The following MRPL3 variants were observed in gnomAD, a reference collection of about 807,000 sequenced individuals.
MRPL3 encodes large ribosomal subunit protein uL3m.
A neutral mutation model predicts 44.3 loss-of-function variants in MRPL3; 43 were observed. The ratio of observed to expected loss-of-function variants is 0.97; its 90% CI spans 0.76 to 1.25. The LOEUF is 1.25. Among genes scored for constraint, MRPL3 ranks in the 50% most tolerant of loss-of-function variants. The pLI is 0.00. For missense variants in MRPL3, 406 were observed against 427.6 expected, an observed-to-expected ratio of 0.95 and a Z score of 0.45; for synonymous variants, 171 against 152.3, an observed-to-expected ratio of 1.12 and a Z score of -0.91.
intron 6 of MRPL3, among the ~76,000 whole-genome samples, chr3:131,483,140 G>T (rs898073578): frequency 7.9e-5 from 12 of 151,890 alleles, no homozygotes; most frequent in African/African-American, 2.4e-4. Context: ...TCAAAATCGA[G>T]ACTGAAAGAA....
At chr3:131,474,527 T>G (rs1488931335) in intron 6 of MRPL3, among the ~76,000 whole-genome samples, 1 of 152,034 alleles carries the variant, frequency 6.6e-6, no homozygotes, top group Non-Finnish European at 1.5e-5. Context: ...ACAAAACAGC[T>G]AGGAATGGTT....
rs796483882 is a variant in MRPL3, at chr3:131,462,578, AATGAT to A, written c.*140_*144del. ...TCTAACAAAATTTAATGGGGGTATG[AATGAT>A]ATATTTATGCCCTTGACAAAGATGA... On this transcript the variant is annotated 3_prime_UTR_variant, in exon 10 of 10. Transcript: ENST00000264995. 7 of 645,804 alleles carry A rather than the reference AATGAT, an allele frequency of 1.1e-5. No homozygotes were observed. The African/African-American group carries it at 1.1e-4, about 10-fold the overall frequency. The allele number at this position is 645,804 out of a possible 1,614,324, so 40.0% of individuals were successfully genotyped here. A position where few individuals can be genotyped will look rare whatever the true frequency, so the allele number is the denominator to read the frequency against.
intron 6 of MRPL3, among the ~76,000 whole-genome samples, chr3:131,474,385 G>A (rs1420696555): frequency 6.6e-6 from 1 of 152,170 alleles, no homozygotes; most frequent in Non-Finnish European, 1.5e-5. Flanking sequence ...ATTACCCAGA[G>A]ACTGGGGAGA....
At chr3:131,479,113 G>T (rs750142769) in intron 6 of MRPL3, 1 of 517,008 alleles carries the variant, frequency 1.9e-6, no homozygotes, top group South Asian at 1.4e-5. Flanking sequence ...TTAGAGTCCT[G>T]CAATTTATCC....
chr3:131,490,389 T>C (rs1934230778), intron 4 of MRPL3, among the ~76,000 whole-genome samples: 1 of 152,126 alleles, frequency 6.6e-6, no homozygotes, highest in South Asian at 2.1e-4. Flanking sequence ...AAATTCTGAC[T>C]GGAGACTGTC....
At chr3:131,496,079 T>C (rs532305267) in intron 4 of MRPL3, among the ~76,000 whole-genome samples, 20 of 152,282 alleles carry the variant, frequency 1.3e-4, no homozygotes. Flanking sequence ...GCATGCTTGA[T>C]TTACAAATAT....
At chr3:131,492,117 T>C (rs1442147654) in intron 4 of MRPL3, among the ~76,000 whole-genome samples, 1 of 152,174 alleles carries the variant, frequency 6.6e-6, no homozygotes, top group Non-Finnish European at 1.5e-5. Flanking sequence ...CCCTTACTTA[T>C]TCAGGTATCA....
In MRPL3 at chr3:131,471,186, T is replaced by A. The variant is rs1157982575; in HGVS notation, c.723A>T (p.Gly241=). The change falls in exon 7 of 10, where the codon GGA becomes GGT. Residue 241 remains glycine (G), a synonymous_variant. Transcript: ENST00000264995. Reference sequence around the variant, plus strand: ...TTATACTCACACCAGTTGCAACAGCTCCAGGTCTCCTGTGGGTTTTCGTTT... The same window carrying A: ...TTATACTCACACCAGTTGCAACAGCACCAGGTCTCCTGTGGGTTTTCGTTT... ...HGQTKTHRRP[G]AVATGDIGRV... is the part of the protein sequence containing the mutation. The A allele has an allele frequency of 1.2e-6, 2 of 1,612,166 alleles. No individual in the cohort carries two copies. Among genetic ancestry groups the A allele is most frequent in the East Asian group, 4.5e-5 (2 of 44,880 alleles).
At position 131,469,533 on chromosome 3, in the gene MRPL3, TAC is replaced by T. The variant is rs3830301; in HGVS notation, c.816+161_816+162del. 0.55 allele frequency among the ~76,000 whole-genome samples: 80,368 copies of T among 146,514 alleles called. 21,722 individuals carry two copies. The highest frequency in any genetic ancestry group is 0.63 in the African/African-American group (25,113 of 40,006). On this transcript the variant is annotated intron_variant, in intron 8 of 9. Transcript: ENST00000264995. ...TACCACCATTACTACAACTAGAGTG[TAC>T]ACACACACACACACACACACACAAT...
At chr3:131,466,208 G>C (rs576337753) in intron 9 of MRPL3, among the ~76,000 whole-genome samples, 35 of 151,208 alleles carry the variant, frequency 2.3e-4, no homozygotes, top group Non-Finnish European at 4.0e-4. Context: ...ATGGAACCTA[G>C]AAATGAAAAA....
chr3:131,474,700 T>C (rs1933815845), intron 6 of MRPL3, among the ~76,000 whole-genome samples: 1 of 151,976 alleles, frequency 6.6e-6, no homozygotes, highest in Non-Finnish European at 1.5e-5. Context: ...TGTCTTTGAT[T>C]ATATCAGTAT....
chr3:131,486,836 C>A (rs551283840), intron 6 of MRPL3, among the ~76,000 whole-genome samples: 1 of 152,254 alleles, frequency 6.6e-6, no homozygotes, highest in South Asian at 2.1e-4. Context: ...GAAATACAAA[C>A]GCTTTTACAC....
chr3:131,466,683 T>A (rs569786300), intron 9 of MRPL3, among the ~76,000 whole-genome samples: 2,571 of 79,732 alleles, frequency 0.032, 35 homozygotes, highest in Non-Finnish European at 0.035. Context: ...CCAAAAAGCA[T>A]TTTTTTTGGG....
intron 2 of MRPL3, among the ~76,000 whole-genome samples, chr3:131,501,329 G>T (rs1934493149): frequency 1.3e-5 from 2 of 152,170 alleles, no homozygotes; most frequent in African/African-American, 2.4e-5. Flanking sequence ...TCTCAAGGAG[G>T]TCTTTATTAT....
intron 9 of MRPL3, among the ~76,000 whole-genome samples, chr3:131,465,510 G>A (rs995990488): frequency 6.6e-6 from 1 of 152,124 alleles, no homozygotes; most frequent in African/African-American, 2.4e-5. Flanking sequence ...GCAATTAATG[G>A]TAAGGTTCAG....
At chr3:131,500,667 T>A in intron 2 of MRPL3, 146 bp from the exon 3 acceptor site, 1 of 633,494 alleles carries the variant, frequency 1.6e-6, no homozygotes, top group Non-Finnish European at 2.8e-6. Context: ...AAAGTAGGAC[T>A]GTTCTTTACA....
At chr3:131,462,954 G>A in intron 9 of MRPL3, 79 bp from the exon 10 acceptor site, 1 of 1,214,178 alleles carries the variant, frequency 8.2e-7, no homozygotes, top group South Asian at 1.5e-5. Context: ...CATAATCAAA[G>A]AAATACTCGC....
chr3:131,471,388 GCTT>G (rs1203960280), intron 6 of MRPL3, 109 bp from the exon 7 acceptor site: 1 of 736,930 alleles, frequency 1.4e-6, no homozygotes, highest in Non-Finnish European at 2.3e-6. Context: ...TTTTAACAAA[GCTT>G]CTTATTTAAA....
chr3:131,475,531 G>A (rs1280919727), intron 6 of MRPL3, among the ~76,000 whole-genome samples: 6 of 152,064 alleles, frequency 3.9e-5, no homozygotes, highest in Non-Finnish European at 7.4e-5. Context: ...CTTAACAGCT[G>A]AATACTATCA....
Sources: allele counts gnomAD v4.1 joint callset (sites outside exome capture counted in the v4.1 genomes callset), GRCh38; gene constraint gnomAD v4.1.1; transcripts MANE v1.5; gene names NCBI Gene and HGNC (gene_info 2026-07-23, HGNC 2026-07-21).